Variants in METTL24 observed in about 807,000 individuals in gnomAD.
METTL24 encodes probable methyltransferase-like protein 24.
METTL24 carries 29 observed loss-of-function variants against 32.7 expected under a neutral mutation model. The ratio of observed to expected loss-of-function variants is 0.89; its 90% CI spans 0.66 to 1.21. METTL24 has a LOEUF of 1.21. Ranked by LOEUF, METTL24 falls within the 50% of genes most tolerant of loss-of-function variation. The probability of loss-of-function intolerance (pLI) is 0.00; values close to 1 mark genes in which losing one functional copy is unlikely to be tolerated. For missense variants in METTL24, 439 were observed against 468.1 expected (o/e 0.94, Z 0.57); for synonymous variants, 163 against 179.5 (o/e 0.91, Z 0.73).
At chr6:110,268,042 AC>A (rs1770889825) in intron 4 of METTL24, among the ~76,000 whole-genome samples, 1 of 152,220 alleles carries the variant, frequency 6.6e-6, no homozygotes, top group East Asian at 1.9e-4. Context: ...TGACATTTCA[AC>A]ATTAGATTTG....
chr6:110,273,616 G>A (rs1770994315), intron 4 of METTL24, among the ~76,000 whole-genome samples: 1 of 151,920 alleles, frequency 6.6e-6, no homozygotes, highest in African/African-American at 2.4e-5. Flanking sequence ...ACAAACATAT[G>A]CAAAAGTGCT....
At chr6:110,330,169 T>G (rs1283759885) in intron 1 of METTL24, among the ~76,000 whole-genome samples, 1 of 152,198 alleles carries the variant, frequency 6.6e-6, no homozygotes, top group Non-Finnish European at 1.5e-5. Context: ...TTCCTCCTTT[T>G]TTTTCCTTTC....
rs1228351566 is a variant in METTL24, at chr6:110,358,031, C to G, written c.242G>C (p.Arg81Pro). 3.5e-6 allele frequency: 4 copies of G among 1,130,206 alleles called. No individual in the cohort carries two copies. Among genetic ancestry groups the G allele is most frequent in the South Asian group, 4.3e-5 (1 of 23,346 alleles). 70.0% of individuals were successfully genotyped at this position (1,130,206 alleles called of 1,614,324 possible). A position where few individuals can be genotyped will look rare whatever the true frequency, so the allele number is the denominator to read the frequency against. Residue 81 changes from arginine to proline, a missense_variant, in exon 1 of 5, where the codon CGG becomes CCG. Physicochemically the swap from Arg to Pro is moderately radical, Grantham distance 103. Transcript: ENST00000338882. Reference protein sequence around the residue: ...RQVTYVRSGRRAPPGGGGSGT... With the variant: ...RQVTYVRSGRPAPPGGGGSGT... The stretch of plus-strand genomic sequence containing the variant: ...GCTCCCGCCGCCCCCCGGCGGCGCC[C>G]GGCGACCGCTGCGCACGTAGGTCAC...
chr6:110,334,563 T>C (rs1452752898), intron 1 of METTL24, among the ~76,000 whole-genome samples: 1 of 152,082 alleles, frequency 6.6e-6, no homozygotes, highest in Non-Finnish European at 1.5e-5. Context: ...AAGCAGGACA[T>C]AAAGTGCTCT....
chr6:110,258,789 T>TACACAC lies in METTL24; in HGVS notation c.787-12535_787-12530dup, dbSNP rs146964745. ...CTCTGCTCTGAGTCTTAGATGCATT[T>TACACAC]ACACACACACACACACACACACACA... On this transcript the variant is annotated intron_variant, in intron 4 of 4. Coordinates refer to ENST00000338882, the MANE Select transcript of METTL24 (RefSeq NM_001123364.3). Among the ~76,000 whole-genome samples, 465 of 145,894 alleles carry TACACAC rather than the reference T, an allele frequency of 3.2e-3. 1 individual carries two copies. The highest frequency in any genetic ancestry group is 6.6e-3 in the African/African-American group (264 of 39,868).
intron 4 of METTL24, among the ~76,000 whole-genome samples, chr6:110,267,991 T>C (rs1400011197): frequency 6.6e-6 from 1 of 152,084 alleles, no homozygotes; most frequent in Admixed American, 6.6e-5. Flanking sequence ...ACCCCCATGA[T>C]CCAAACGCCT....
At chr6:110,300,523 C>T (rs1430919521) in intron 3 of METTL24, among the ~76,000 whole-genome samples, 1 of 150,334 alleles carries the variant, frequency 6.7e-6, no homozygotes, top group African/African-American at 2.5e-5. Flanking sequence ...AGGGTTCAAG[C>T]AATTCTCTTG....
chr6:110,312,516 T>TA (rs954977376), intron 3 of METTL24, among the ~76,000 whole-genome samples: 3 of 152,038 alleles, frequency 2.0e-5, no homozygotes, highest in African/African-American at 4.8e-5. Flanking sequence ...TATTTGGCCA[T>TA]AAAAAAAGAA....
rs1772743179 is a variant in METTL24, at chr6:110,358,261, C to G, written c.12G>C (p.Glu4Asp). 6.8e-7 allele frequency: 1 copy of G among 1,478,220 alleles called. No homozygotes were observed. Among genetic ancestry groups the G allele is most frequent in the African/African-American group, 1.5e-5 (1 of 67,982 alleles). The allele number at this position is 1,478,220 out of a possible 1,614,324, so 91.6% of individuals were successfully genotyped here. MAR[E>D]RPPGRGCGVL... ...CGCCGCAGCCCCTCCCGGGCGGCCTCTCCCGGGCCATGGCGCTACACTCGG... is the reference window on the plus strand; with the variant it reads ...CGCCGCAGCCCCTCCCGGGCGGCCTGTCCCGGGCCATGGCGCTACACTCGG... Residue 4 changes from glutamate to aspartate, a missense_variant, in exon 1 of 5, where the codon GAG (glutamate) becomes GAC (aspartate). Glu to Asp is a conservative substitution (Grantham distance 45). Coordinates refer to ENST00000338882, the MANE Select transcript of METTL24 (RefSeq NM_001123364.3).
intron 1 of METTL24, among the ~76,000 whole-genome samples, chr6:110,336,603 G>A (rs1215097077): frequency 2.0e-5 from 3 of 152,152 alleles, no homozygotes; most frequent in Non-Finnish European, 4.4e-5. Context: ...AGGCAGGCAT[G>A]GTGGCGGGCG....
At chr6:110,291,327 C>G (rs1771315378) in intron 4 of METTL24, among the ~76,000 whole-genome samples, 1 of 152,014 alleles carries the variant, frequency 6.6e-6, no homozygotes, top group Admixed American at 6.6e-5. Flanking sequence ...ATAATTTTAG[C>G]TTTTATGTTT....
intron 4 of METTL24, among the ~76,000 whole-genome samples, chr6:110,290,165 C>A (rs1029039902): frequency 2.6e-5 from 4 of 152,112 alleles, no homozygotes; most frequent in Non-Finnish European, 2.9e-5. Context: ...ATCCACCCCC[C>A]CTCAGCCTCC....
At chr6:110,324,813 G>T (rs1472432486) in intron 1 of METTL24, among the ~76,000 whole-genome samples, 2 of 152,082 alleles carry the variant, frequency 1.3e-5, no homozygotes, top group African/African-American at 4.8e-5. Flanking sequence ...ATTACCATTT[G>T]GTCAAACAAT....
chr6:110,295,790 AAAGAAAGG>A (rs1379567952), intron 4 of METTL24, among the ~76,000 whole-genome samples: 315 of 94,416 alleles, frequency 3.3e-3, no homozygotes, highest in African/African-American at 0.02. Flanking sequence ...GAAAAGAAAG[AAAGAAAGG>A]AAGGAAGGAA....
chr6:110,322,360 G>A (rs1439998612), intron 2 of METTL24, among the ~76,000 whole-genome samples: 1 of 152,230 alleles, frequency 6.6e-6, no homozygotes, highest in Non-Finnish European at 1.5e-5. Flanking sequence ...CCAAGCATCT[G>A]TGACAGAAGA....
chr6:110,335,764 A>T (rs1772214317), intron 1 of METTL24, among the ~76,000 whole-genome samples: 1 of 152,054 alleles, frequency 6.6e-6, no homozygotes, highest in African/African-American at 2.4e-5. Context: ...AATAATCAAG[A>T]CTAGCTGCTT....
chr6:110,299,011 G>GC lies in METTL24; in HGVS notation c.696dup (p.Arg233AlafsTer14). The stretch of plus-strand genomic sequence containing the variant: ...GCAGCAACAGCTGGATGGGGATCCC[G>GC]CCAGTCAATGGACAAGCGGTGATAC... On this transcript the variant is annotated frameshift_variant, in exon 4 of 5. Coordinates refer to ENST00000338882, the MANE Select transcript of METTL24 (RefSeq NM_001123364.3). LOFTEE classifies it high-confidence loss of function. 2 of 1,614,140 alleles carry GC rather than the reference G, an allele frequency of 1.2e-6. No homozygotes were observed. Among genetic ancestry groups the GC allele is most frequent in the Non-Finnish European group, 1.7e-6 (2 of 1,180,036 alleles).
At chr6:110,248,708 C>A (rs542523477) in intron 4 of METTL24, among the ~76,000 whole-genome samples, 1 of 151,618 alleles carries the variant, frequency 6.6e-6, no homozygotes, top group East Asian at 1.9e-4. Flanking sequence ...TCACTTGAGC[C>A]CAGGAGTTCA....
intron 3 of METTL24, among the ~76,000 whole-genome samples, chr6:110,313,936 T>C (rs1233647880): frequency 2.0e-5 from 3 of 152,224 alleles, no homozygotes; most frequent in Admixed American, 1.3e-4. Context: ...ATTTAACCCA[T>C]ATGAGAATGT....
Sources: gnomAD v4.1 joint callset for allele counts (sites outside exome capture counted in the v4.1 genomes callset) on GRCh38, gnomAD v4.1.1 for gene constraint, MANE v1.5 for transcripts, NCBI Gene and HGNC (gene_info 2026-07-23, HGNC 2026-07-21) for gene names.